Variants in TRAF3IP1 observed in about 807,000 individuals in gnomAD.
TRAF3IP1 encodes intraflagellar transport 54.
Under a neutral mutation model 89.9 loss-of-function variants are expected in TRAF3IP1, and 53 were observed. The ratio of observed to expected loss-of-function variants is 0.59; its 90% CI spans 0.47 to 0.74. The LOEUF (loss-of-function observed/expected upper bound fraction) is 0.74, where lower values mean the gene tolerates loss of function less well. TRAF3IP1 is among the 30% of genes least tolerant of loss of function. The pLI, the probability that TRAF3IP1 is intolerant of heterozygous loss-of-function variation, is 0.00. For missense variants in TRAF3IP1, 806 were observed against 866.1 expected, an observed-to-expected ratio of 0.93 and a Z score of 0.87; for synonymous variants, 311 against 322.1, an observed-to-expected ratio of 0.97 and a Z score of 0.37.
chr2:238,368,681 T>G (rs945570055), intron 15 of TRAF3IP1, among the ~76,000 whole-genome samples: 1 of 152,182 alleles, frequency 6.6e-6, no homozygotes, highest in Admixed American at 6.5e-5. Flanking sequence ...ATTAATAATT[T>G]TTTTTTGAGA....
At chr2:238,334,078 G>GTTTT (rs5839695) in intron 7 of TRAF3IP1, 43 bp downstream of exon 7, 752 of 1,086,666 alleles carry the variant, frequency 6.9e-4, no homozygotes, top group Non-Finnish European at 7.7e-4. Context: ...ATGGATATTA[G>GTTTT]TTTTTTTTTT....
rs760002620 is a variant in TRAF3IP1 at position 238,352,941 on chromosome 2, A to G, written c.1566A>G (p.Glu522=). 12 of 1,610,188 alleles carry G rather than the reference A, an allele frequency of 7.5e-6. No individual in the cohort carries two copies. Among genetic ancestry groups the G allele is most frequent in the Non-Finnish European group, 8.5e-6 (10 of 1,179,098 alleles). ...CCCCTCAGCTCTCTGAAATGTCAGA[A>G]ATTGAAATGGTTAGTTAACCGAAAT... ...EAAPQLSEMS[E]IEMVTAVELE... is the part of the protein sequence containing the mutation. Residue 522 remains glutamate, a synonymous_variant, in exon 13 of 17, where the codon GAA becomes GAG. Coordinates refer to ENST00000373327, the MANE Select transcript of TRAF3IP1 (RefSeq NM_015650.4).
intron 15 of TRAF3IP1, among the ~76,000 whole-genome samples, chr2:238,396,558 AAAG>A (rs1303285902): frequency 6.6e-5 from 10 of 151,894 alleles, no homozygotes; most frequent in Admixed American, 2.0e-4. Context: ...AAAAAAAAGG[AAAG>A]AAGGAGAAAG....
Position 238,325,932 on chromosome 2 carries a change from G to A in TRAF3IP1, c.316G>A (p.Glu106Lys), listed in dbSNP as rs1363044681. The A allele has an allele frequency of 3.1e-6, 5 of 1,613,824 alleles. No homozygotes were observed. The highest frequency in any genetic ancestry group is 1.1e-5 in the South Asian group (1 of 91,000). ...GGGGCATGAGCCTGAAAGAACAAAC[G>A]AGCTGCTCCAGATAATTGGAAAATG... is the stretch of plus-strand genomic sequence containing the variant. ...VAGHEPERTN[E>K]LLQIIGKCCL... The change falls in exon 3 of 17, where the codon GAG becomes AAG. Residue 106 changes from glutamate to lysine, a missense_variant. By Grantham distance (56) the Glu-to-Lys change is moderately conservative. Around this residue, in one of 3 missense-constraint regions of TRAF3IP1, gnomAD observed 732 missense variants for 780.5 expected, o/e 0.94. Transcript: ENST00000373327.
chr2:238,389,676 A>C (rs994502558), intron 15 of TRAF3IP1, among the ~76,000 whole-genome samples: 4 of 151,606 alleles, frequency 2.6e-5, no homozygotes, highest in Admixed American at 6.6e-5. Flanking sequence ...TGAACCTGGG[A>C]GGTGGAGGTT....
intron 8 of TRAF3IP1, among the ~76,000 whole-genome samples, chr2:238,340,758 C>T (rs1386329415): frequency 6.7e-6 from 1 of 150,136 alleles, no homozygotes; most frequent in Non-Finnish European, 1.5e-5. Context: ...CCATATACCT[C>T]TCACCCAGAT....
chr2:238,329,234 C>T lies in TRAF3IP1; in HGVS notation c.807C>T (p.Arg269=), dbSNP rs745750205. 26 of 1,545,978 alleles carry T rather than the reference C, an allele frequency of 1.7e-5. No homozygotes were observed. Among genetic ancestry groups the T allele is most frequent in the Admixed American group, 2.1e-5 (1 of 47,898 alleles). ...GACTGAGAGACAGGGACCGAGAGCG[C>T]GACCGGGACAAAGGGAAGGACAGGG... ...KERLRDRDRE[R]DRDKGKDRDR... The change falls in exon 5 of 17, where the codon CGC becomes CGT. Residue 269 remains arginine, a synonymous_variant. Transcript: ENST00000373327.
At chr2:238,394,335 G>A (rs1701121395) in intron 15 of TRAF3IP1, among the ~76,000 whole-genome samples, 1 of 152,226 alleles carries the variant, frequency 6.6e-6, no homozygotes, top group Non-Finnish European at 1.5e-5. Flanking sequence ...TTGGCTGCAA[G>A]TTTGGTAGGA....
At chr2:238,385,228 G>T (rs1201901959) in intron 15 of TRAF3IP1, among the ~76,000 whole-genome samples, 1 of 152,094 alleles carries the variant, frequency 6.6e-6, no homozygotes, top group Non-Finnish European at 1.5e-5. Context: ...GTGTTAGCCA[G>T]GATGGTCTCG....
At chr2:238,371,327 C>T (rs1388321706) in intron 15 of TRAF3IP1, among the ~76,000 whole-genome samples, 1 of 151,852 alleles carries the variant, frequency 6.6e-6, no homozygotes, top group East Asian at 1.9e-4. Context: ...AACAATCCTA[C>T]AAGTATATTG....
chr2:238,340,144 T>G (rs1419790995), intron 8 of TRAF3IP1, among the ~76,000 whole-genome samples: 5 of 152,142 alleles, frequency 3.3e-5, no homozygotes, highest in Non-Finnish European at 7.4e-5. Flanking sequence ...CCCCCGACCC[T>G]GGCCCTGCTC....
chr2:238,335,200 A>T (rs1365492087), intron 7 of TRAF3IP1, among the ~76,000 whole-genome samples: 1 of 152,102 alleles, frequency 6.6e-6, no homozygotes, highest in South Asian at 2.1e-4. Flanking sequence ...TGAGGCCTCT[A>T]ATCTTTTTTT....
At chr2:238,363,537 G>T in intron 15 of TRAF3IP1, among the ~76,000 whole-genome samples, 1 of 152,130 alleles carries the variant, frequency 6.6e-6, no homozygotes, top group East Asian at 1.9e-4. Flanking sequence ...GAATTGATGA[G>T]ACTTTTAATG....
chr2:238,344,624 T>C (rs754129130), intron 9 of TRAF3IP1, 26 bp downstream of exon 9: 4 of 1,599,430 alleles, frequency 2.5e-6, no homozygotes, highest in Non-Finnish European at 3.4e-6. Flanking sequence ...TTTCGCCCTT[T>C]CCTGGCGAGA....
At chr2:238,374,415 T>G (rs1700231750) in intron 15 of TRAF3IP1, among the ~76,000 whole-genome samples, 1 of 152,238 alleles carries the variant, frequency 6.6e-6, no homozygotes, top group Non-Finnish European at 1.5e-5. Flanking sequence ...TCTGTTTATG[T>G]GATGGATTAC....
chr2:238,358,466 G>A (rs1699519651), intron 15 of TRAF3IP1, among the ~76,000 whole-genome samples: 1 of 152,204 alleles, frequency 6.6e-6, no homozygotes, highest in South Asian at 2.1e-4. Context: ...AGCCCAGGAA[G>A]CAGAGGTTGC....
chr2:238,360,222 A>C (rs1699599127), intron 15 of TRAF3IP1, among the ~76,000 whole-genome samples: 1 of 152,236 alleles, frequency 6.6e-6, no homozygotes, highest in Non-Finnish European at 1.5e-5. Context: ...TTCAGATTGC[A>C]GGTAACTGAA....
rs1701412337 is a variant in TRAF3IP1 at position 238,400,327 on chromosome 2, C to G, written c.*1408C>G. ...ACCAGGATGGTCTCCACCTCCTGACCTCGTGATCCGCCTGCCTCGGCCTCC... is the reference window on the plus strand; with the variant it reads ...ACCAGGATGGTCTCCACCTCCTGACGTCGTGATCCGCCTGCCTCGGCCTCC... On this transcript the variant is annotated 3_prime_UTR_variant, in exon 17 of 17. Coordinates refer to ENST00000373327, the MANE Select transcript of TRAF3IP1 (RefSeq NM_015650.4). 1 of 152,292 alleles carries G rather than the reference C, an allele frequency of 6.6e-6. No homozygotes were observed. The highest frequency in any genetic ancestry group is 1.5e-5 in the Non-Finnish European group (1 of 68,112). 9.4% of individuals were successfully genotyped at this position (152,292 alleles called of 1,614,324 possible).
intron 15 of TRAF3IP1, among the ~76,000 whole-genome samples, chr2:238,388,461 A>G (rs996752300): frequency 6.6e-6 from 1 of 151,890 alleles, no homozygotes. Flanking sequence ...CGAGATGAAC[A>G]TATGGTTTAT....
Sources: allele counts gnomAD v4.1 joint callset (sites outside exome capture counted in the v4.1 genomes callset), GRCh38; gene constraint gnomAD v4.1.1; regional missense constraint gnomAD v4.1.1; transcripts MANE v1.5; gene names NCBI Gene and HGNC (gene_info 2026-07-23, HGNC 2026-07-21).